Variants in IQSEC2 observed in about 807,000 individuals in gnomAD.
IQSEC2 encodes IQ motif and Sec7 domain ArfGEF 2.
Under a neutral mutation model 74.6 loss-of-function variants are expected in IQSEC2, and 6 were observed. The observed-to-expected ratio is 0.08, with a 90% CI of 0.04 to 0.16. IQSEC2 has a LOEUF of 0.16. IQSEC2 is among the 10% of genes least tolerant of loss of function. The pLI, the probability that IQSEC2 is intolerant of heterozygous loss-of-function variation, is 1.00. For synonymous variants in IQSEC2, 494 were observed against 544.5 expected (o/e 0.91, Z 1.29); for missense variants, 734 against 1,306.2 (o/e 0.56, Z 6.75).
chrX:53,232,194 G>A (rs1282725864), downstream of IQSEC2, among the ~76,000 whole-genome samples: 4 of 112,102 alleles, frequency 3.6e-5, no homozygotes, highest in African/African-American at 1.3e-4. Flanking sequence ...GAGTGGCCTC[G>A]GGAGAGACTC....
intron 5 of IQSEC2, 130 bp from the exon 6 acceptor site, chrX:53,249,012 T>C (rs1556862678): frequency 1.6e-6 from 1 of 623,954 alleles, no homozygotes; most frequent in East Asian, 3.6e-5. Flanking sequence ...ATACATAATT[T>C]GATCCAATCC....
chrX:53,297,592 G>A (rs1297857609), intron 1 of IQSEC2, among the ~76,000 whole-genome samples: 2 of 111,669 alleles, frequency 1.8e-5, no homozygotes, highest in Non-Finnish European at 3.8e-5. Flanking sequence ...CTCCCAAAGT[G>A]CTGGGATTAC....
intron 1 of IQSEC2, among the ~76,000 whole-genome samples, chrX:53,296,122 G>A (rs926212089): frequency 9.3e-6 from 1 of 108,074 alleles, no homozygotes; most frequent in Non-Finnish European, 1.9e-5. Context: ...TGCAACCTCC[G>A]CCTCCTGGGT....
chrX:53,228,940 T>C (rs1349224687), downstream of IQSEC2: 1 of 112,781 alleles, frequency 8.9e-6, no homozygotes, highest in Non-Finnish European at 1.9e-5. Flanking sequence ...TGAATTATGA[T>C]AGTAGTGGAT....
chrX:53,263,536 A>G (rs2074602055), intron 2 of IQSEC2, among the ~76,000 whole-genome samples: 1 of 109,404 alleles, frequency 9.1e-6, no homozygotes, highest in South Asian at 4.0e-4. Flanking sequence ...GGTTACTTGC[A>G]ATTCCTAGAC....
intron 9 of IQSEC2, among the ~76,000 whole-genome samples, chrX:53,242,861 G>C (rs1224845940): frequency 9.0e-6 from 1 of 111,569 alleles, no homozygotes. Context: ...TCAGCCTCCT[G>C]AGTAGCTGGA....
intron 1 of IQSEC2, among the ~76,000 whole-genome samples, chrX:53,299,611 C>A (rs1375715181): frequency 1.8e-5 from 2 of 111,473 alleles, no homozygotes; most frequent in Non-Finnish European, 3.8e-5. Context: ...CCTGTTTCAC[C>A]CCATCCTCCA....
Position 53,236,307 on chromosome X carries a change from G to C in IQSEC2, c.3451+15C>G, listed in dbSNP as rs2074128638. On this transcript the variant is annotated intron_variant, in intron 13 of 14. Coordinates refer to ENST00000642864, the MANE Select transcript of IQSEC2 (RefSeq NM_001111125.3). ...CCGTGTCTCCCCAGCCAGGGCAGGG[G>C]CCCAGAGGGCTTACCTGCATCAGAG... 8.3e-7 allele frequency: 1 copy of C among 1,200,979 alleles called. No homozygotes were observed. Among genetic ancestry groups the C allele is most frequent in the African/African-American group, 1.7e-5 (1 of 57,169 alleles).
chrX:53,281,199 G>C (rs1489025486), intron 2 of IQSEC2, among the ~76,000 whole-genome samples: 1 of 112,510 alleles, frequency 8.9e-6, no homozygotes, highest in South Asian at 3.6e-4. Context: ...CACGAGCCTG[G>C]AGCCCTGCAG....
chrX:53,292,354 G>C (rs184124727), intron 1 of IQSEC2, among the ~76,000 whole-genome samples: 52 of 112,124 alleles, frequency 4.6e-4, no homozygotes, highest in Non-Finnish European at 7.9e-4. Context: ...CCCATGACCT[G>C]GGCAAGTCAC....
At chrX:53,230,393 T>C (rs1383805422), downstream of IQSEC2, 1 of 113,054 alleles carries the variant, frequency 8.8e-6, no homozygotes. Context: ...TTTATTTACA[T>C]TTACATTGAA....
intron 1 of IQSEC2, among the ~76,000 whole-genome samples, chrX:53,309,407 T>C (rs1462648062): frequency 8.9e-6 from 1 of 112,414 alleles, no homozygotes; most frequent in Non-Finnish European, 1.9e-5. Flanking sequence ...TTTGATTTAG[T>C]TTGTCAAAAC....
intron 1 of IQSEC2, among the ~76,000 whole-genome samples, chrX:53,308,655 G>A (rs1235461726): frequency 9.0e-6 from 1 of 111,486 alleles, no homozygotes; most frequent in East Asian, 2.8e-4. Flanking sequence ...GAGATGGAGG[G>A]AAGGATGGCA....
At chrX:53,235,658 G>T in intron 14 of IQSEC2, 125 bp downstream of exon 14, 1 of 679,334 alleles carries the variant, frequency 1.5e-6, no homozygotes, top group Non-Finnish European at 2.3e-6. Context: ...GTGGTTGGCT[G>T]GGAGAGGCAG....
intron 2 of IQSEC2, among the ~76,000 whole-genome samples, chrX:53,269,680 G>A (rs1297775592): frequency 4.6e-5 from 5 of 109,880 alleles, no homozygotes; most frequent in Admixed American, 2.9e-4. Context: ...TACCTCCCAC[G>A]AGCTCTTCGA....
rs781881272 is a variant in IQSEC2, at chrX:53,241,840, G to A, written c.2959C>T (p.Pro987Ser). The A allele has an allele frequency of 1.7e-6, 2 of 1,211,285 alleles. No homozygotes were observed. The highest frequency in any genetic ancestry group is 2.2e-6 in the Non-Finnish European group (2 of 895,240). Residue 987 changes from proline (P) to serine (S), a missense_variant, in exon 10 of 15, where the codon CCC becomes TCC. Physicochemically the swap from Pro to Ser is moderately conservative, Grantham distance 74. This residue lies in a region of IQSEC2 where 249 missense variants were observed against 467.9 expected (regional missense o/e 0.53). Coordinates refer to ENST00000642864, the MANE Select transcript of IQSEC2 (RefSeq NM_001111125.3). Reference protein sequence around the residue: ...QLYEVPDPNRPQRLGLHQREV... With the variant: ...QLYEVPDPNRSQRLGLHQREV... Reference sequence around the variant, plus strand: ...CGCTGATGCAACCCTAGCCTCTGGGGGCGGTTTGGATCTGGCACCTCGTAG... The same window carrying A: ...CGCTGATGCAACCCTAGCCTCTGGGAGCGGTTTGGATCTGGCACCTCGTAG...
At chrX:53,317,821 C>T (rs1450621921) in intron 1 of IQSEC2, among the ~76,000 whole-genome samples, 2 of 112,507 alleles carry the variant, frequency 1.8e-5, no homozygotes, top group Admixed American at 9.4e-5. Flanking sequence ...GCAGGGGAGT[C>T]GCTTGCAGCA....
intron 1 of IQSEC2, 88 bp from the exon 2 acceptor site, chrX:53,292,012 TTGAGGCC>T: frequency 1.2e-6 from 1 of 800,779 alleles, no homozygotes; most frequent in Non-Finnish European, 1.8e-6. Context: ...TTGGGGGGCC[TTGAGGCC>T]TAATGCACAT....
intron 8 of IQSEC2, among the ~76,000 whole-genome samples, chrX:53,245,805 A>AACCTCATATATTGGG (rs1556861962): frequency 9.1e-6 from 1 of 109,346 alleles, no homozygotes; most frequent in Non-Finnish European, 1.9e-5. Flanking sequence ...CATATATTGG[A>AACCTCATATATTGGG]ACCTCATATA....
Sources: gnomAD v4.1 joint callset for allele counts (sites outside exome capture counted in the v4.1 genomes callset) on GRCh38, gnomAD v4.1.1 for gene constraint, gnomAD v4.1.1 regional missense constraint, MANE v1.5 for transcripts, NCBI Gene and HGNC (gene_info 2026-07-23, HGNC 2026-07-21) for gene names.